The following NLGN1 variants were observed in gnomAD, a reference collection of about 807,000 sequenced individuals.
NLGN1 encodes neuroligin-1.
NLGN1 carries 12 observed loss-of-function variants against 65.5 expected under a neutral mutation model. That is an observed-to-expected ratio of 0.18 (90% CI 0.12 to 0.30). The LOEUF (loss-of-function observed/expected upper bound fraction) is 0.30. Ranked by LOEUF, NLGN1 falls within the 10% of genes least tolerant of loss-of-function variation. The probability of loss-of-function intolerance (pLI) is 1.00; values close to 1 mark genes in which losing one functional copy is unlikely to be tolerated. For synonymous variants in NLGN1, 350 were observed against 359.5 expected, an observed-to-expected ratio of 0.97 and a Z score of 0.30; for missense variants, 750 against 1,007.1, an observed-to-expected ratio of 0.74 and a Z score of 3.46.
At chr3:173,442,321 A>G (rs544403455) in intron 2 of NLGN1, among the ~76,000 whole-genome samples, 1 of 152,260 alleles carries the variant, frequency 6.6e-6, no homozygotes, top group South Asian at 2.1e-4. Flanking sequence ...AAAATGTATC[A>G]AATGTTTATT....
intron 2 of NLGN1, among the ~76,000 whole-genome samples, chr3:173,564,735 CATT>C (rs1688702850): frequency 6.6e-6 from 1 of 152,212 alleles, no homozygotes; most frequent in African/African-American, 2.4e-5. Context: ...AGAAGTCAAT[CATT>C]GTTGCTGCAA....
chr3:174,248,981 T>A (rs2152840146), intron 4 of NLGN1, among the ~76,000 whole-genome samples: 1 of 152,314 alleles, frequency 6.6e-6, no homozygotes, highest in Admixed American at 6.5e-5. Context: ...CCAGGAAATC[T>A]GCGATGCTGC....
chr3:173,958,950 C>T (rs1712845142), intron 4 of NLGN1, among the ~76,000 whole-genome samples: 1 of 152,184 alleles, frequency 6.6e-6, no homozygotes, highest in Non-Finnish European at 1.5e-5. Context: ...TGTGACAGTG[C>T]CCTAGCTCAG....
downstream of NLGN1, chr3:174,286,758 T>G (rs1475896640): frequency 1.3e-5 from 2 of 151,574 alleles, no homozygotes; most frequent in African/African-American, 4.8e-5. Context: ...TCCACACTGC[T>G]GACAGTTCTG....
chr3:174,155,599 GT>G (rs367664581), intron 4 of NLGN1, among the ~76,000 whole-genome samples: 20 of 149,238 alleles, frequency 1.3e-4, no homozygotes, highest in South Asian at 6.4e-4. Flanking sequence ...TTGTAATGGA[GT>G]TTTTTTTTTC....
At chr3:173,693,334 T>C (rs1765742501) in intron 3 of NLGN1, among the ~76,000 whole-genome samples, 1 of 152,024 alleles carries the variant, frequency 6.6e-6, no homozygotes, top group South Asian at 2.1e-4. Context: ...GGAAAGCAAA[T>C]ACTATTATTG....
At chr3:173,558,305 C>G (rs1502470) in intron 2 of NLGN1, among the ~76,000 whole-genome samples, 86,344 of 151,814 alleles carry the variant, frequency 0.57, 24,810 homozygotes, top group East Asian at 0.74. Context: ...GATTTTCTTC[C>G]TGTTCATCCT....
At chr3:173,794,880 T>A (rs1187358105) in intron 3 of NLGN1, among the ~76,000 whole-genome samples, 1 of 152,132 alleles carries the variant, frequency 6.6e-6, no homozygotes, top group Non-Finnish European at 1.5e-5. Flanking sequence ...AAACTATTTT[T>A]TAAATAAATA....
At chr3:173,407,946 A>G (rs1711611223) in intron 1 of NLGN1, among the ~76,000 whole-genome samples, 1 of 152,216 alleles carries the variant, frequency 6.6e-6, no homozygotes, top group South Asian at 2.1e-4. Flanking sequence ...CGTCCACTAA[A>G]AATAAATTAT....
intron 2 of NLGN1, among the ~76,000 whole-genome samples, chr3:173,447,412 T>C (rs58236588): frequency 0.18 from 27,872 of 152,046 alleles, 2,849 homozygotes; most frequent in African/African-American, 0.27. Flanking sequence ...CTGTTCTGTT[T>C]CATTGATCTA....
chr3:173,927,426 C>G (rs1743212484), intron 4 of NLGN1, among the ~76,000 whole-genome samples: 1 of 152,106 alleles, frequency 6.6e-6, no homozygotes, highest in African/African-American at 2.4e-5. Context: ...CAAAGTCTCT[C>G]ATCTAGTGTG....
chr3:173,696,365 G>A (rs1189628825), intron 3 of NLGN1, among the ~76,000 whole-genome samples: 1 of 152,068 alleles, frequency 6.6e-6, no homozygotes, highest in African/African-American at 2.4e-5. Flanking sequence ...TGGGAAAATG[G>A]CTATGTTTTA....
At chr3:173,593,588 C>T (rs933619400) in intron 2 of NLGN1, among the ~76,000 whole-genome samples, 6 of 152,128 alleles carry the variant, frequency 3.9e-5, no homozygotes, top group African/African-American at 1.4e-4. Context: ...ACTTTTGAGC[C>T]AGGCCTTGAA....
intron 4 of NLGN1, among the ~76,000 whole-genome samples, chr3:173,979,169 G>A (rs1370958192): frequency 6.6e-6 from 1 of 151,958 alleles, no homozygotes; most frequent in Non-Finnish European, 1.5e-5. Flanking sequence ...AGGAGTGAAT[G>A]GGGAAGCAAG....
chr3:173,454,156 G>A lies in NLGN1; in HGVS notation c.-321+19078G>A, dbSNP rs1028899523. Reference sequence around the variant, plus strand: ...AGAGACATTTTATTCCTGAACAGCAGGTCTTAACAGTGGGCTTAAAATATT... The same window carrying A: ...AGAGACATTTTATTCCTGAACAGCAAGTCTTAACAGTGGGCTTAAAATATT... On this transcript the variant is annotated intron_variant, in intron 2 of 6. Transcript: ENST00000457714. Among the ~76,000 whole-genome samples the A allele has an allele frequency of 2.6e-5, 4 of 152,160 alleles. 1 individual carries two copies. Among genetic ancestry groups the A allele is most frequent in the Admixed American group, 2.6e-4 (4 of 15,276 alleles).
At chr3:173,635,799 A>T (rs1319847491) in intron 3 of NLGN1, among the ~76,000 whole-genome samples, 1 of 152,254 alleles carries the variant, frequency 6.6e-6, no homozygotes, top group East Asian at 1.9e-4. Flanking sequence ...AAATATGTCT[A>T]TGGGGACTTA....
chr3:173,462,539 A>G (rs1477157019), intron 2 of NLGN1, among the ~76,000 whole-genome samples: 1 of 152,072 alleles, frequency 6.6e-6, no homozygotes, highest in East Asian at 1.9e-4. Flanking sequence ...TCATTTCATT[A>G]GAAAGTCACC....
intron 3 of NLGN1, among the ~76,000 whole-genome samples, chr3:173,672,182 TTAGAA>T (rs1762540128): frequency 6.6e-6 from 1 of 152,020 alleles, no homozygotes. Context: ...TCAAAAATAA[TTAGAA>T]TAAAATAAAA....
intron 4 of NLGN1, among the ~76,000 whole-genome samples, chr3:173,957,726 G>A (rs1253526002): frequency 6.6e-6 from 1 of 152,184 alleles, no homozygotes; most frequent in Non-Finnish European, 1.5e-5. Flanking sequence ...GGTCCTGAAT[G>A]TAGATTTGGT....
Sources: gnomAD v4.1 joint callset for allele counts (sites outside exome capture counted in the v4.1 genomes callset) on GRCh38, gnomAD v4.1.1 for gene constraint, MANE v1.5 for transcripts, NCBI Gene and HGNC (gene_info 2026-07-23, HGNC 2026-07-21) for gene names.